The following PRDX4 variants were observed in gnomAD, a reference collection of about 807,000 sequenced individuals.
PRDX4 encodes peroxiredoxin-4.
A neutral mutation model predicts 20.5 loss-of-function variants in PRDX4; 12 were observed. The observed-to-expected ratio is 0.58, with a 90% CI of 0.37 to 0.95. The LOEUF is 0.95. Among genes scored for constraint, PRDX4 ranks in the 40% least tolerant of loss-of-function variants. The pLI is 0.01. For synonymous variants in PRDX4, 99 were observed against 87.5 expected (o/e 1.13, Z -0.73); for missense variants, 180 against 207.3 (o/e 0.87, Z 0.81).
chrX:23,685,870 A>T, intron 6 of PRDX4: 1 of 148,072 alleles, frequency 6.8e-6, no homozygotes, highest in Non-Finnish European at 1.4e-5. Context: ...TGTATTCTGG[A>T]CTTTAGTGAG....
Position 23,671,618 on chromosome X carries a change from T to G in PRDX4, c.331T>G (p.Leu111Val). 1 of 1,201,952 alleles carries G rather than the reference T, an allele frequency of 8.3e-7. No homozygotes were observed. ...LKLTDYRGKY[L>V]VFFFYPLDFT... ...GTTAACTGATTATCGTGGGAAATAC[T>G]TGGTTTTCTTCTTCTACCCACTTGA... Residue 111 changes from leucine to valine, a missense_variant, in exon 2 of 7, where the codon TTG becomes GTG. Around this residue, in one of 3 missense-constraint regions of PRDX4, gnomAD observed 105 missense variants for 114.2 expected, o/e 0.92. Transcript: ENST00000379341.
At chrX:23,685,639 T>C (rs1928169009) in intron 6 of PRDX4, among the ~76,000 whole-genome samples, 1 of 110,989 alleles carries the variant, frequency 9.0e-6, no homozygotes, top group South Asian at 3.7e-4. Context: ...TTTTTATATA[T>C]ATAAAGATAG....
chrX:23,682,584 G>T, intron 5 of PRDX4, 58 bp downstream of exon 5: 1 of 934,391 alleles, frequency 1.1e-6, no homozygotes. Context: ...TAATTAGTTA[G>T]GTTTCTTATC....
intron 3 of PRDX4, 114 bp downstream of exon 3, chrX:23,675,220 G>C (rs1312410877): frequency 8.6e-7 from 1 of 1,162,934 alleles, no homozygotes; most frequent in South Asian, 2.0e-5. Context: ...GACAATTCAG[G>C]AATAGCTTTA....
intron 1 of PRDX4, among the ~76,000 whole-genome samples, chrX:23,669,960 C>T (rs5925871): frequency 0.24 from 26,100 of 109,444 alleles, 2,724 homozygotes; most frequent in South Asian, 0.37. Flanking sequence ...AAAAATAAGA[C>T]TAGAAAGACA....
At chrX:23,675,670 G>A (rs764598295) in intron 3 of PRDX4, among the ~76,000 whole-genome samples, 21 of 112,276 alleles carry the variant, frequency 1.9e-4, no homozygotes, top group Non-Finnish European at 3.4e-4. Context: ...TTGAAAAAAT[G>A]TATCCACTGT....
At chrX:23,679,529 T>C (rs1469483481) in intron 4 of PRDX4, among the ~76,000 whole-genome samples, 5 of 109,234 alleles carry the variant, frequency 4.6e-5, no homozygotes, top group Non-Finnish European at 9.5e-5. Flanking sequence ...TACCAAAAAA[T>C]ATAAAAATTA....
intron 3 of PRDX4, 57 bp downstream of exon 3, chrX:23,675,163 A>G (rs776436855): frequency 3.3e-6 from 4 of 1,210,459 alleles, no homozygotes; most frequent in Non-Finnish European, 4.5e-6. Flanking sequence ...CTCTTAAAGC[A>G]TGGACAGATA....
chrX:23,684,596 G>A (rs973715974), intron 6 of PRDX4, among the ~76,000 whole-genome samples: 2 of 110,378 alleles, frequency 1.8e-5, no homozygotes, highest in Admixed American at 9.8e-5. Flanking sequence ...CGCCTCCAGG[G>A]TTCATGCAAT....
Position 23,679,204 on chromosome X carries a change from A to G in PRDX4, c.516A>G (p.Ile172Met), listed in dbSNP as rs1402828873. ...TPRRQGGLGP[I>M]RIPLLSDLTH... is the part of the protein sequence containing the mutation. ...GAAGACAAGGAGGACTTGGGCCAAT[A>G]AGGATTCCACTTCTTTCAGATTTGA... Residue 172 changes from isoleucine (I) to methionine (M), a missense_variant, in exon 4 of 7, where the codon ATA (isoleucine) becomes ATG (methionine). Transcript: ENST00000379341. The G allele has an allele frequency of 1.7e-6, 2 of 1,207,883 alleles. No individual in the cohort carries two copies. Among genetic ancestry groups the G allele is most frequent in the Admixed American group, 4.4e-5 (2 of 45,931 alleles).
intron 4 of PRDX4, among the ~76,000 whole-genome samples, chrX:23,681,737 C>A (rs1025034691): frequency 1.8e-5 from 2 of 112,224 alleles, no homozygotes; most frequent in African/African-American, 6.5e-5. Flanking sequence ...CCAGTAGTTT[C>A]TTTTTAAAAT....
chrX:23,679,669 G>C (rs1487727311), intron 4 of PRDX4, among the ~76,000 whole-genome samples: 1 of 99,624 alleles, frequency 1.0e-5, no homozygotes, highest in Non-Finnish European at 2.0e-5. Context: ...CTGGGCGACA[G>C]AGTGAAAAAA....
chrX:23,675,460 T>A, intron 3 of PRDX4: 1 of 220,897 alleles, frequency 4.5e-6, no homozygotes, highest in Non-Finnish European at 8.1e-6. Flanking sequence ...AAATATGCCA[T>A]TTCTCTGTTA....
At chrX:23,680,402 A>G (rs1219536863) in intron 4 of PRDX4, among the ~76,000 whole-genome samples, 1 of 112,237 alleles carries the variant, frequency 8.9e-6, no homozygotes, top group Non-Finnish European at 1.9e-5. Flanking sequence ...TGAGCTAACA[A>G]ACATTAATAG....
chrX:23,685,297 G>A (rs1928161544), intron 6 of PRDX4, among the ~76,000 whole-genome samples: 1 of 111,905 alleles, frequency 8.9e-6, no homozygotes, highest in Non-Finnish European at 1.9e-5. Flanking sequence ...ACCTCCAGGG[G>A]GAAGTGCCCC....
chrX:23,685,448 A>T (rs745886863), intron 6 of PRDX4, among the ~76,000 whole-genome samples: 1 of 111,861 alleles, frequency 8.9e-6, no homozygotes, highest in South Asian at 3.7e-4. Context: ...ACTTTAAGGT[A>T]CCTAGTGGTC....
At chrX:23,680,141 A>T (rs1036986179) in intron 4 of PRDX4, among the ~76,000 whole-genome samples, 5 of 112,349 alleles carry the variant, frequency 4.5e-5, no homozygotes, top group African/African-American at 1.6e-4. Flanking sequence ...CCACCCTGTC[A>T]TCTTACAGAT....
rs1191405957 is a variant in PRDX4, at chrX:23,680,918, A to AC, written c.600-1478_600-1477insC. ...AAGAGTGAGACCCTGTCTCTAAAAAAATAATTAAAATTAAAAATAAAGAAT... is the reference window on the plus strand; with the variant it reads ...AAGAGTGAGACCCTGTCTCTAAAAAACATAATTAAAATTAAAAATAAAGAAT... On this transcript the variant is annotated intron_variant, in intron 4 of 6. Coordinates refer to ENST00000379341, the MANE Select transcript of PRDX4 (RefSeq NM_006406.2). Among the ~76,000 whole-genome samples, 661 of 110,446 alleles carry AC rather than the reference A, an allele frequency of 6.0e-3. 4 individuals carry two copies. The highest frequency in any genetic ancestry group is 0.02 in the African/African-American group (600 of 30,381).
At chrX:23,670,854 T>G (rs1927829201) in intron 1 of PRDX4, among the ~76,000 whole-genome samples, 1 of 111,739 alleles carries the variant, frequency 8.9e-6, no homozygotes, top group Non-Finnish European at 1.9e-5. Flanking sequence ...CTGCAGCAGG[T>G]CCTCCATGTG....
Sources: gnomAD v4.1 joint callset for allele counts (sites outside exome capture counted in the v4.1 genomes callset) on GRCh38, gnomAD v4.1.1 for gene constraint, gnomAD v4.1.1 regional missense constraint, MANE v1.5 for transcripts, NCBI Gene and HGNC (gene_info 2026-07-23, HGNC 2026-07-21) for gene names.